The following PARD3 variants were observed in gnomAD, a reference collection of about 807,000 sequenced individuals.
PARD3 encodes the protein par-3 family cell polarity regulator, also known as partitioning defective 3 homolog.
PARD3 carries 75 observed loss-of-function variants against 155.4 expected under a neutral mutation model. That is an observed-to-expected ratio of 0.48 (90% CI 0.40 to 0.58). The LOEUF (loss-of-function observed/expected upper bound fraction) is 0.58. Among genes scored for constraint, PARD3 ranks in the 20% least tolerant of loss-of-function variants. The probability of loss-of-function intolerance (pLI) is 0.00; values close to 1 mark genes in which losing one functional copy is unlikely to be tolerated. For synonymous variants in PARD3, 576 were observed against 610.5 expected (o/e 0.94, Z 0.83); for missense variants, 1,642 against 1,721.7 (o/e 0.95, Z 0.82).
At chr10:34,629,676 C>T (rs982542854) in intron 2 of PARD3, among the ~76,000 whole-genome samples, 2 of 152,190 alleles carry the variant, frequency 1.3e-5, no homozygotes, top group Non-Finnish European at 2.9e-5. Flanking sequence ...AAAGAGACCA[C>T]CCAGTGGCTA....
chr10:34,111,165 G>A lies in PARD3; in HGVS notation c.*4C>T, dbSNP rs41276090. The stretch of plus-strand genomic sequence containing the variant: ...GCGACATGAAGCATCCGTTATTTGC[G>A]TGCTCAGGAATAGAAGGGCCTCCCT... On this transcript the variant is annotated 3_prime_UTR_variant, in exon 25 of 25. Transcript: ENST00000374788. The A allele has an allele frequency of 0.021, 31,483 of 1,534,906 alleles. 399 individuals carry two copies. Among genetic ancestry groups the A allele is most frequent in the Non-Finnish European group, 0.024 (27,379 of 1,140,904 alleles).
intron 15 of PARD3, chr10:34,344,253 G>A: frequency 2.0e-6 from 2 of 982,138 alleles, no homozygotes; most frequent in Non-Finnish European, 2.4e-6. Flanking sequence ...CCCTGTTGCT[G>A]GTTTTTTTGT....
At chr10:34,291,844 C>G (rs933266974) in intron 20 of PARD3, among the ~76,000 whole-genome samples, 6 of 152,182 alleles carry the variant, frequency 3.9e-5, no homozygotes, top group Non-Finnish European at 8.8e-5. Context: ...GCCAGGGATT[C>G]GAGACCAGCT....
At chr10:34,574,672 T>C (rs571271049) in intron 2 of PARD3, among the ~76,000 whole-genome samples, 2 of 152,234 alleles carry the variant, frequency 1.3e-5, no homozygotes, top group Non-Finnish European at 2.9e-5. Flanking sequence ...TTTATTAAAG[T>C]ATGACTCAAG....
intron 1 of PARD3, among the ~76,000 whole-genome samples, chr10:34,770,823 C>T (rs1163726681): frequency 6.6e-6 from 1 of 152,160 alleles, no homozygotes; most frequent in East Asian, 1.9e-4. Flanking sequence ...CAGGGATGTG[C>T]CCTGTTCTCA....
At chr10:34,363,083 T>C (rs1424602369) in intron 12 of PARD3, among the ~76,000 whole-genome samples, 2 of 152,232 alleles carry the variant, frequency 1.3e-5, no homozygotes, top group Admixed American at 1.3e-4. Flanking sequence ...TTGCTTCAAC[T>C]CTGGAAGGTT....
At chr10:34,700,403 G>C (rs2094252810) in intron 1 of PARD3, among the ~76,000 whole-genome samples, 1 of 152,212 alleles carries the variant, frequency 6.6e-6, no homozygotes, top group South Asian at 2.1e-4. Flanking sequence ...AAAGTCCTAA[G>C]GCGAGCTTTT....
intron 15 of PARD3, chr10:34,343,486 A>G (rs1020114406): frequency 1.0e-6 from 1 of 984,456 alleles, no homozygotes; most frequent in Non-Finnish European, 1.2e-6. Context: ...TCTTCCTCAT[A>G]GTAAGAAAAT....
At chr10:34,803,498 G>A (rs1245703761) in intron 1 of PARD3, among the ~76,000 whole-genome samples, 2 of 152,044 alleles carry the variant, frequency 1.3e-5, no homozygotes, top group African/African-American at 4.8e-5. Flanking sequence ...ACCATAGAAA[G>A]TTCAGGAGTT....
chr10:34,363,521 A>T (rs1839663669), intron 12 of PARD3, among the ~76,000 whole-genome samples: 1 of 152,202 alleles, frequency 6.6e-6, no homozygotes, highest in Non-Finnish European at 1.5e-5. Context: ...TGGCAGAAAA[A>T]TGTTTTTTAA....
At chr10:34,358,360 A>T (rs1288734273) in intron 14 of PARD3, among the ~76,000 whole-genome samples, 1 of 152,164 alleles carries the variant, frequency 6.6e-6, no homozygotes. Context: ...CCTAATTCCA[A>T]ACTGCAACAT....
In PARD3 at chr10:34,360,088, C is replaced by T. The variant is rs1839300455; in HGVS notation, c.1879G>A (p.Gly627Arg). ...ACACTCACTTTAGATGCTGCTCCTC[C>T]ATTAATAATGGACTTGACAAAGATT... ...LGIFVKSIIN[G>R]GAASKDGRLR... The change falls in exon 13 of 25, where the codon GGA (glycine) becomes AGA (arginine). Residue 627 changes from glycine to arginine, a missense_variant. Transcript: ENST00000374788. 1.2e-6 allele frequency: 2 copies of T among 1,613,750 alleles called. No homozygotes were observed. The highest frequency in any genetic ancestry group is 1.1e-5 in the South Asian group (1 of 91,060).
At chr10:34,742,445 T>C (rs923384563) in intron 1 of PARD3, among the ~76,000 whole-genome samples, 1 of 152,238 alleles carries the variant, frequency 6.6e-6, no homozygotes, top group Admixed American at 6.5e-5. Flanking sequence ...AGTCCTTGGC[T>C]GGATGGCCTC....
chr10:34,275,333 T>A (rs1233781251), intron 21 of PARD3, among the ~76,000 whole-genome samples: 1 of 152,220 alleles, frequency 6.6e-6, no homozygotes, highest in Non-Finnish European at 1.5e-5. Context: ...AACTATAGCA[T>A]ACGTGTGGTC....
At chr10:34,683,500 T>C (rs779415947) in intron 2 of PARD3, among the ~76,000 whole-genome samples, 1 of 149,934 alleles carries the variant, frequency 6.7e-6, no homozygotes, top group Non-Finnish European at 1.5e-5. Flanking sequence ...GAAGCCGGGA[T>C]TCAAATGCAG....
At chr10:34,365,785 G>C (rs1235649315) in intron 12 of PARD3, among the ~76,000 whole-genome samples, 1 of 151,978 alleles carries the variant, frequency 6.6e-6, no homozygotes, top group East Asian at 1.9e-4. Flanking sequence ...ACAGGGTTTC[G>C]CCATGTTGGT....
At chr10:34,472,272 ACATT>A (rs2078399545) in intron 3 of PARD3, among the ~76,000 whole-genome samples, 1 of 152,152 alleles carries the variant, frequency 6.6e-6, no homozygotes, top group Non-Finnish European at 1.5e-5. Context: ...GTGTCTGTAA[ACATT>A]CATGACAACC....
rs935400301 is a variant in PARD3, at chr10:34,762,316, T to G, written c.120+52560A>C. Among the ~76,000 whole-genome samples the G allele has an allele frequency of 3.6e-3, 470 of 130,766 alleles. 1 individual carries two copies. The highest frequency in any genetic ancestry group is 0.012 in the African/African-American group (436 of 35,460). 85.8% of individuals were successfully genotyped at this position (130,766 alleles called of 152,430 possible). A position where few individuals can be genotyped will look rare whatever the true frequency, so the allele number is the denominator to read the frequency against. On this transcript the variant is annotated intron_variant, in intron 1 of 24. Coordinates refer to ENST00000374788, the MANE Select transcript of PARD3 (RefSeq NM_001184785.2). ...AGAGAGAGAGAGAGAGAGAGAGAGA[T>G]GGGGTCTCACTCTGTCGCCCAGGCT...
At chr10:34,773,323 T>C (rs887246000) in intron 1 of PARD3, among the ~76,000 whole-genome samples, 3 of 152,238 alleles carry the variant, frequency 2.0e-5, no homozygotes, top group Admixed American at 6.5e-5. Flanking sequence ...CATTCTGCTA[T>C]ATAGACTCTA....
Sources: allele counts gnomAD v4.1 joint callset (sites outside exome capture counted in the v4.1 genomes callset), GRCh38; gene constraint gnomAD v4.1.1; transcripts MANE v1.5; gene names NCBI Gene and HGNC (gene_info 2026-07-23, HGNC 2026-07-21).